Variants in AGBL4 observed in about 807,000 individuals in gnomAD.
AGBL4 encodes the protein cytosolic carboxypeptidase 6.
In AGBL4, 58 loss-of-function variants were observed where a neutral mutation model predicts 66.4. The ratio of observed to expected loss-of-function variants is 0.87; its 90% CI spans 0.71 to 1.09. AGBL4 has a LOEUF of 1.09. Among genes scored for constraint, AGBL4 ranks in the 50% least tolerant of loss-of-function variants. The pLI, the probability that AGBL4 is intolerant of heterozygous loss-of-function variation, is 0.00. For missense variants in AGBL4, 579 were observed against 631.0 expected (o/e 0.92, Z 0.88); for synonymous variants, 234 against 222.9 (o/e 1.05, Z -0.44).
chr1:49,262,654 A>T (rs112952714), intron 3 of AGBL4, among the ~76,000 whole-genome samples: 84,698 of 151,640 alleles, frequency 0.56, 24,326 homozygotes, highest in Middle Eastern at 0.63. Context: ...GTCAGGAAAC[A>T]ACAGGTGCTG....
chr1:48,709,682 A>C (rs1294753124), intron 6 of AGBL4, among the ~76,000 whole-genome samples: 1 of 151,596 alleles, frequency 6.6e-6, no homozygotes, highest in African/African-American at 2.4e-5. Flanking sequence ...GCTCACTGCA[A>C]GGTCTGCCTT....
intron 3 of AGBL4, among the ~76,000 whole-genome samples, chr1:49,369,961 C>T (rs903207017): frequency 3.3e-5 from 5 of 151,534 alleles, no homozygotes; most frequent in African/African-American, 1.2e-4. Context: ...AAATACCACC[C>T]TCCTTGAGCA....
chr1:48,992,478 A>G (rs1282897500), intron 5 of AGBL4, among the ~76,000 whole-genome samples: 1 of 151,518 alleles, frequency 6.6e-6, no homozygotes, highest in Non-Finnish European at 1.5e-5. Flanking sequence ...TGTAACTCCT[A>G]CCTGGCTAGT....
At chr1:49,938,865 G>T (rs576567578) in intron 1 of AGBL4, among the ~76,000 whole-genome samples, 126 of 152,166 alleles carry the variant, frequency 8.3e-4, no homozygotes, top group Non-Finnish European at 1.5e-3. Flanking sequence ...AATTAGGCAG[G>T]AGAAGGAAAT....
chr1:48,540,504 C>T (rs1312404310), intron 11 of AGBL4, among the ~76,000 whole-genome samples: 1 of 152,096 alleles, frequency 6.6e-6, no homozygotes, highest in Non-Finnish European at 1.5e-5. Context: ...TTGGCTAATT[C>T]ATGCCCCTTG....
chr1:49,956,886 T>A (rs1656653727), intron 1 of AGBL4, among the ~76,000 whole-genome samples: 1 of 151,992 alleles, frequency 6.6e-6, no homozygotes, highest in East Asian at 1.9e-4. Flanking sequence ...AAAAGATTCT[T>A]CTTATAGGAG....
At chr1:48,681,913 G>A (rs1646461191) in intron 6 of AGBL4, among the ~76,000 whole-genome samples, 1 of 152,226 alleles carries the variant, frequency 6.6e-6, no homozygotes, top group Non-Finnish European at 1.5e-5. Flanking sequence ...ATATGTGGAA[G>A]TCCTAACCTC....
intron 3 of AGBL4, among the ~76,000 whole-genome samples, chr1:49,579,896 T>C (rs1644508639): frequency 6.6e-6 from 1 of 152,230 alleles, no homozygotes; most frequent in Non-Finnish European, 1.5e-5. Flanking sequence ...TGTCCAATGC[T>C]GTGAGTGGGG....
intron 4 of AGBL4, among the ~76,000 whole-genome samples, chr1:49,097,825 C>A (rs1259639588): frequency 1.3e-5 from 2 of 152,222 alleles, no homozygotes; most frequent in Admixed American, 1.3e-4. Context: ...AAGTAATCTG[C>A]CCACCATGGC....
intron 9 of AGBL4, among the ~76,000 whole-genome samples, chr1:48,616,621 CT>C (rs1410319321): frequency 6.6e-6 from 1 of 152,138 alleles, no homozygotes; most frequent in Non-Finnish European, 1.5e-5. Context: ...AATAAGACTA[CT>C]TTGATAAAGG....
At chr1:49,371,559 T>C (rs1570547035) in intron 3 of AGBL4, among the ~76,000 whole-genome samples, 1 of 152,268 alleles carries the variant, frequency 6.6e-6, no homozygotes, top group African/African-American at 2.4e-5. Context: ...CAGAATTACA[T>C]ATACCTCCCT....
chr1:48,524,951 A>T, the AGBL4 span, among the ~76,000 whole-genome samples: 1 of 152,000 alleles, frequency 6.6e-6, no homozygotes, highest in Non-Finnish European at 1.5e-5. Context: ...TTTATCCAGA[A>T]GTTTCAGGGT....
At chr1:48,758,871 A>T in intron 6 of AGBL4, 2 of 1,470,172 alleles carry the variant, frequency 1.4e-6, no homozygotes, top group South Asian at 2.8e-5. Flanking sequence ...ACCCAAGTGG[A>T]GTGGTAGGTG....
intron 3 of AGBL4, among the ~76,000 whole-genome samples, chr1:49,285,778 G>A (rs1423870774): frequency 6.6e-6 from 1 of 152,114 alleles, no homozygotes; most frequent in Non-Finnish European, 1.5e-5. Context: ...TAGAAGAAAT[G>A]GATAAATTCC....
intron 3 of AGBL4, among the ~76,000 whole-genome samples, chr1:49,379,586 G>T (rs1341560986): frequency 1.3e-5 from 2 of 152,146 alleles, no homozygotes; most frequent in Non-Finnish European, 2.9e-5. Context: ...TTTTTAGCAT[G>T]AAGCGTTGTT....
chr1:49,741,085 C>A (rs911211786), intron 2 of AGBL4, among the ~76,000 whole-genome samples: 1 of 148,108 alleles, frequency 6.8e-6, no homozygotes, highest in African/African-American at 2.4e-5. Context: ...CATAAAAAAA[C>A]CCTTCAAAAA....
chr1:49,503,126 T>C (rs1648334204), intron 3 of AGBL4, among the ~76,000 whole-genome samples: 1 of 152,006 alleles, frequency 6.6e-6, no homozygotes, highest in African/African-American at 2.4e-5. Flanking sequence ...TGGGACTTGG[T>C]GCCCTGTGTC....
intron 6 of AGBL4, among the ~76,000 whole-genome samples, chr1:48,730,560 AG>A (rs1373978168): frequency 6.6e-6 from 1 of 152,138 alleles, no homozygotes; most frequent in Non-Finnish European, 1.5e-5. Context: ...AGCATTAGTC[AG>A]GGAAGTGGTA....
At chr1:49,675,669 CT>C (rs1459690766) in intron 3 of AGBL4, among the ~76,000 whole-genome samples, 1 of 152,048 alleles carries the variant, frequency 6.6e-6, no homozygotes, top group Non-Finnish European at 1.5e-5. Context: ...TCTTAGTTGC[CT>C]TGTCCAAGGG....
Sources: allele counts gnomAD v4.1 joint callset (sites outside exome capture counted in the v4.1 genomes callset), GRCh38; gene constraint gnomAD v4.1.1; transcripts MANE v1.5; gene names NCBI Gene and HGNC (gene_info 2026-07-23, HGNC 2026-07-21).